FLAD1: variants seen among roughly 807,000 people sequenced by gnomAD.
The protein encoded by FLAD1 is flavin adenine dinucleotide synthetase 1.
In FLAD1, 35 loss-of-function variants were observed where a neutral mutation model predicts 55.0. The observed-to-expected ratio is 0.64, with a 90% CI of 0.49 to 0.84. FLAD1 has a LOEUF of 0.84. Among genes scored for constraint, FLAD1 ranks in the 40% least tolerant of loss-of-function variants. FLAD1 has a pLI of 0.00. For missense variants in FLAD1, 665 were observed against 742.6 expected (o/e 0.90, Z 1.21); for synonymous variants, 267 against 303.0 (o/e 0.88, Z 1.23).
Position 154,989,010 on chromosome 1 carries a change from C to G in FLAD1, c.1117+161C>G, listed in dbSNP as rs1553254401. The G allele has an allele frequency of 2.7e-6, 4 of 1,459,266 alleles. No individual in the cohort carries two copies. In the East Asian group the frequency reaches 9.9e-5, roughly 36 times the overall value. 90.4% of individuals were successfully genotyped at this position (1,459,266 alleles called of 1,614,324 possible). A position where few individuals can be genotyped will look rare whatever the true frequency, so the allele number is the denominator to read the frequency against. ...CTTCCAATAAATGTTGATTGAGTAC[C>G]TATTTTCATCAGCACTGTGCTAGGT... On this transcript the variant is annotated intron_variant, in intron 2 of 6. Transcript: ENST00000292180.
chr1:154,985,516 T>A (rs1657544719), intron 1 of FLAD1, among the ~76,000 whole-genome samples: 1 of 151,526 alleles, frequency 6.6e-6, no homozygotes, highest in East Asian at 2.0e-4. Context: ...AATTCTCCTG[T>A]CTCAGCCTCC....
chr1:154,991,981 A>G (rs1657892624), intron 5 of FLAD1, among the ~76,000 whole-genome samples: 1 of 151,664 alleles, frequency 6.6e-6, no homozygotes, highest in Admixed American at 6.6e-5. Context: ...TCTCTACTAA[A>G]AAAATACAAA....
chr1:154,988,727 A>C lies in FLAD1; in HGVS notation c.995A>C (p.Glu332Ala), dbSNP rs749207742. ...AAGCTGACTCTAGACTCAGAGGAAG[A>C]AGGACCCCTGGAGGAATGCTTGGCC... is the stretch of plus-strand genomic sequence containing the variant. ...QVKLTLDSEE[E>A]GPLEECLAYL... The change falls in exon 2 of 7, where the codon GAA (glutamate) becomes GCA (alanine). Residue 332 changes from glutamate to alanine, a missense_variant. Glu to Ala is a moderately radical substitution (Grantham distance 107). Coordinates refer to ENST00000292180, the MANE Select transcript of FLAD1 (RefSeq NM_025207.5). 2 of 1,614,190 alleles carry C rather than the reference A, an allele frequency of 1.2e-6. No individual in the cohort carries two copies. The highest frequency in any genetic ancestry group is 1.7e-6 in the Non-Finnish European group (2 of 1,180,024).
chr1:154,992,268 C>T (rs971640277), intron 5 of FLAD1, among the ~76,000 whole-genome samples: 1 of 151,952 alleles, frequency 6.6e-6, no homozygotes, highest in Non-Finnish European at 1.5e-5. Context: ...ACAGTGAAAT[C>T]CCGTCTCTAC....
In FLAD1 at chr1:154,988,528, GA is replaced by G. The variant is rs1657723514; in HGVS notation, c.797del (p.Glu266GlyfsTer3). 3 of 1,614,136 alleles carry G rather than the reference GA, an allele frequency of 1.9e-6. No homozygotes were observed. The highest frequency in any genetic ancestry group is 2.5e-6 in the Non-Finnish European group (3 of 1,180,068). On this transcript the variant is annotated frameshift_variant, in exon 2 of 7. Coordinates refer to ENST00000292180, the MANE Select transcript of FLAD1 (RefSeq NM_025207.5). LOFTEE classifies it high-confidence loss of function. ...GIPELLRRVL[E>X]GMKGLFQNPA... ...TCCAGAGCTGCTGCGGCGGGTGCTG[GA>G]GGGGATGAAGGGACTATTCCAAAAC...
At chr1:154,988,921 G>T (rs564662669) in intron 2 of FLAD1, 72 bp downstream of exon 2, 19 of 1,593,140 alleles carry the variant, frequency 1.2e-5, no homozygotes, top group Middle Eastern at 1.7e-4. Context: ...GTAATGCAGG[G>T]GCTGTTGGGT....
In FLAD1 at chr1:154,988,401, GC is replaced by G. The variant is rs752137994; in HGVS notation, c.672del (p.Ser225ProfsTer44). ...AAGGCTGGGAGAAGCTATCATTGGT[GC>G]CCTCCTCTGCCCGCCTGCATTATGG... Reference protein sequence around the residue: ...GEGWEKLSLVPSSARLHYGTD... With the variant: ...GEGWEKLSLVXSSARLHYGTD... On this transcript the variant is annotated frameshift_variant, in exon 2 of 7. Transcript: ENST00000292180. LOFTEE classifies it high-confidence loss of function. The G allele has an allele frequency of 1.2e-6, 2 of 1,614,188 alleles. No homozygotes were observed. The highest frequency in any genetic ancestry group is 2.2e-5 in the South Asian group (2 of 91,080).
intron 1 of FLAD1, among the ~76,000 whole-genome samples, chr1:154,984,510 G>A (rs1222219838): frequency 2.0e-5 from 3 of 151,770 alleles, no homozygotes; most frequent in Admixed American, 6.6e-5. Flanking sequence ...TCAGGAGTTC[G>A]AGACCAGCCT....
chr1:154,984,076 G>A lies in FLAD1; in HGVS notation c.372+10G>A, dbSNP rs752881063. The A allele has an allele frequency of 1.1e-5, 17 of 1,492,172 alleles. No homozygotes were observed. Among genetic ancestry groups the A allele is most frequent in the Non-Finnish European group, 1.5e-5 (17 of 1,118,812 alleles). 92.4% of individuals were successfully genotyped at this position (1,492,172 alleles called of 1,614,324 possible). ...AGATGAGATCCTTAAGGTGTGTCTG[G>A]GACAGAAAAGGGGGGAGGGCGCTGC... On this transcript the variant is annotated intron_variant, in intron 1 of 6. Transcript: ENST00000292180.
At chr1:154,986,645 C>G (rs917649014) in intron 1 of FLAD1, among the ~76,000 whole-genome samples, 1 of 150,938 alleles carries the variant, frequency 6.6e-6, no homozygotes, top group Non-Finnish European at 1.5e-5. Flanking sequence ...AATTCTCCCA[C>G]ATCAGCCTCC....
At chr1:154,989,035 T>C in intron 2 of FLAD1, 186 bp downstream of exon 2, 1 of 1,397,658 alleles carries the variant, frequency 7.2e-7, no homozygotes, top group Non-Finnish European at 9.4e-7. Flanking sequence ...CTGTGCTAGG[T>C]GTTGGGGATA....
intron 5 of FLAD1, 102 bp downstream of exon 5, chr1:154,990,630 G>A: frequency 8.5e-7 from 1 of 1,170,442 alleles, no homozygotes; most frequent in Non-Finnish European, 1.2e-6. Context: ...CTGGAACCTG[G>A]ATGAAGGGGC....
In FLAD1 at chr1:154,989,655, G is replaced by C; in HGVS notation, c.1213G>C (p.Gly405Arg). Residue 405 changes from glycine (G) to arginine (R), a missense_variant, in exon 3 of 7, where the codon GGG (glycine) becomes CGG (arginine). Gly to Arg is a moderately radical substitution (Grantham distance 125). Transcript: ENST00000292180. ...SLTQLCVGFN[G>R]GKDCTALLHL... ...CACCCAGCTCTGTGTGGGCTTCAACGGGGGCAAAGACTGCACTGCCCTCCT... is the reference window on the plus strand; with the variant it reads ...CACCCAGCTCTGTGTGGGCTTCAACCGGGGCAAAGACTGCACTGCCCTCCT... 1 of 1,597,434 alleles carries C rather than the reference G, an allele frequency of 6.3e-7. No homozygotes were observed. Among genetic ancestry groups the C allele is most frequent in the Non-Finnish European group, 8.5e-7 (1 of 1,170,574 alleles).
At position 154,988,688 on chromosome 1, in the gene FLAD1, A is replaced by G. The variant is rs939755698; in HGVS notation, c.956A>G (p.Asn319Ser). The change falls in exon 2 of 7, where the codon AAC becomes AGC. Residue 319 changes from asparagine to serine, a missense_variant. Transcript: ENST00000292180. ...GGTTCCTACCCTGACTGGGGCAGCA[A>G]CTACTATCAGGTGAAGCTGACTCTA... ...GLGSYPDWGSNYYQVKLTLDS... is the reference protein window; with the variant it reads ...GLGSYPDWGSSYYQVKLTLDS... 3.7e-6 allele frequency: 6 copies of G among 1,614,082 alleles called. No individual in the cohort carries two copies. Among genetic ancestry groups the G allele is most frequent in the Admixed American group, 1.7e-5 (1 of 60,004 alleles).
chr1:154,989,801 A>C, intron 3 of FLAD1, 94 bp downstream of exon 3: 16 of 1,341,770 alleles, frequency 1.2e-5, no homozygotes, highest in African/African-American at 2.9e-5. Flanking sequence ...GGTGGAGTTC[A>C]AGAGGGAGAT....
chr1:154,990,557 A>T lies in FLAD1; in HGVS notation c.1554+29A>T, dbSNP rs753140972. On this transcript the variant is annotated intron_variant, in intron 5 of 6. Transcript: ENST00000292180. ...ATGGGGAAGAGGGTTTATCACCTTC[A>T]GTCTCACGTGCCCCAGCAGTCACTG... 1.9e-6 allele frequency: 3 copies of T among 1,555,246 alleles called. No homozygotes were observed. The East Asian group carries it at 6.8e-5, about 35-fold the overall frequency.
rs765228219 is a variant in FLAD1, at chr1:154,988,162, G to T, written c.430G>T (p.Val144Phe). 1.2e-6 allele frequency: 2 copies of T among 1,614,210 alleles called. No individual in the cohort carries two copies. The highest frequency in any genetic ancestry group is 1.1e-5 in the South Asian group (1 of 91,092). ...FLCRTLRSLGVQVCRVSVVPD... is the reference protein window; with the variant it reads ...FLCRTLRSLGFQVCRVSVVPD... ...GTGCCGGACACTGCGCTCCCTAGGG[G>T]TCCAGGTTTGCCGAGTCTCAGTTGT... The change falls in exon 2 of 7, where the codon GTC becomes TTC. Residue 144 changes from valine to phenylalanine, a missense_variant. Physicochemically the swap from Val to Phe is conservative, Grantham distance 50. Transcript: ENST00000292180.
rs570078192 is a variant in FLAD1 at position 154,984,135 on chromosome 1, C to T, written c.372+69C>T. On this transcript the variant is annotated intron_variant, in intron 1 of 6. Coordinates refer to ENST00000292180, the MANE Select transcript of FLAD1 (RefSeq NM_025207.5). ...GTCCTTAAGGGCCTGCTGCACATCCCTCCATGGAAGGAGGTGAAACAGGGT... is the reference window on the plus strand; with the variant it reads ...GTCCTTAAGGGCCTGCTGCACATCCTTCCATGGAAGGAGGTGAAACAGGGT... 47 of 1,343,242 alleles carry T rather than the reference C, an allele frequency of 3.5e-5. No individual in the cohort carries two copies. The East Asian group carries it at 1.1e-3, about 32-fold the overall frequency. 83.2% of individuals were successfully genotyped at this position (1,343,242 alleles called of 1,614,324 possible).
intron 2 of FLAD1, chr1:154,989,111 T>C: frequency 1.2e-6 from 1 of 801,730 alleles, no homozygotes; most frequent in Non-Finnish European, 1.9e-6. Context: ...AAGATGGACA[T>C]TAAACAGGTG....
Sources: gnomAD v4.1 joint callset for allele counts (sites outside exome capture counted in the v4.1 genomes callset) on GRCh38, gnomAD v4.1.1 for gene constraint, MANE v1.5 for transcripts, NCBI Gene and HGNC (gene_info 2026-07-23, HGNC 2026-07-21) for gene names.